The following TNFAIP8 variants were observed in gnomAD, a reference collection of about 807,000 sequenced individuals.
TNFAIP8 encodes the protein TNF alpha induced protein 8.
TNFAIP8 carries 7 observed loss-of-function variants against 13.3 expected under a neutral mutation model. The ratio of observed to expected loss-of-function variants is 0.52; its 90% confidence interval spans 0.30 to 0.99. The LOEUF is 0.99. Among genes scored for constraint, TNFAIP8 ranks in the 50% least tolerant of loss-of-function variants. TNFAIP8 has a pLI of 0.07. For missense variants in TNFAIP8, 258 were observed against 236.9 expected, an observed-to-expected ratio of 1.09 and a Z score of -0.58; for synonymous variants, 94 against 87.6, an observed-to-expected ratio of 1.07 and a Z score of -0.41.
At chr5:119,328,707 A>T (rs888909841) in intron 1 of TNFAIP8, among the ~76,000 whole-genome samples, 5 of 152,208 alleles carry the variant, frequency 3.3e-5, no homozygotes, top group African/African-American at 1.2e-4. Flanking sequence ...TAACTTGGGA[A>T]ATATCATATG....
At chr5:119,373,854 T>G (rs1752178857) in intron 1 of TNFAIP8, among the ~76,000 whole-genome samples, 1 of 152,214 alleles carries the variant, frequency 6.6e-6, no homozygotes, top group Non-Finnish European at 1.5e-5. Flanking sequence ...TTGGGCTATG[T>G]GATCTCTGCC....
At chr5:119,325,517 A>G (rs1430622617) in intron 1 of TNFAIP8, among the ~76,000 whole-genome samples, 1 of 152,148 alleles carries the variant, frequency 6.6e-6, no homozygotes, top group African/African-American at 2.4e-5. Context: ...GTGCGATCTC[A>G]GCTCACTGCA....
intron 1 of TNFAIP8, among the ~76,000 whole-genome samples, chr5:119,379,766 T>C (rs1752417645): frequency 6.6e-6 from 1 of 152,030 alleles, no homozygotes; most frequent in African/African-American, 2.4e-5. Flanking sequence ...AATTTTTTTG[T>C]ATTTTTAGTA....
chr5:119,382,627 A>G (rs750608719), intron 1 of TNFAIP8, among the ~76,000 whole-genome samples: 1 of 152,240 alleles, frequency 6.6e-6, no homozygotes, highest in African/African-American at 2.4e-5. Flanking sequence ...TGTTCTAAGC[A>G]CTTTATATGG....
intron 1 of TNFAIP8, among the ~76,000 whole-genome samples, chr5:119,309,314 T>A (rs1749659913): frequency 6.6e-6 from 1 of 152,212 alleles, no homozygotes; most frequent in Admixed American, 6.5e-5. Context: ...TACCATACTT[T>A]CAGCAGCATT....
intron 1 of TNFAIP8, among the ~76,000 whole-genome samples, chr5:119,327,263 G>A (rs1159130283): frequency 2.0e-5 from 3 of 152,138 alleles, no homozygotes; most frequent in African/African-American, 7.2e-5. Flanking sequence ...TGTGTTGACT[G>A]TGGAGTACAT....
intron 1 of TNFAIP8, among the ~76,000 whole-genome samples, chr5:119,386,958 TCTCCCTCC>T (rs746624859): frequency 8.4e-4 from 105 of 125,502 alleles, no homozygotes; most frequent in South Asian, 2.0e-3. Context: ...TTCTACTGGG[TCTCCCTCC>T]CTCCCTCCCT....
intron 1 of TNFAIP8, chr5:119,391,510 A>G: frequency 1.5e-6 from 1 of 682,876 alleles, no homozygotes; most frequent in South Asian, 1.5e-5. Flanking sequence ...CTGTAATCCC[A>G]GCACTTTGGG....
At chr5:119,366,589 C>T (rs1174830748) in intron 1 of TNFAIP8, among the ~76,000 whole-genome samples, 2 of 152,200 alleles carry the variant, frequency 1.3e-5, no homozygotes, top group Non-Finnish European at 2.9e-5. Flanking sequence ...TGCCTGTGGG[C>T]ATCATTTCAA....
chr5:119,366,633 A>G (rs996231679), intron 1 of TNFAIP8, among the ~76,000 whole-genome samples: 1 of 152,186 alleles, frequency 6.6e-6, no homozygotes, highest in Non-Finnish European at 1.5e-5. Context: ...CCATTTCTGG[A>G]GGGCCAGTGG....
At chr5:119,323,783 G>T (rs1240113214) in intron 1 of TNFAIP8, among the ~76,000 whole-genome samples, 1 of 152,064 alleles carries the variant, frequency 6.6e-6, no homozygotes, top group Non-Finnish European at 1.5e-5. Flanking sequence ...GGGGAACAGG[G>T]GCATAAATTG....
intron 1 of TNFAIP8, among the ~76,000 whole-genome samples, chr5:119,329,189 G>C (rs1480213788): frequency 1.3e-5 from 2 of 152,166 alleles, no homozygotes; most frequent in Non-Finnish European, 2.9e-5. Flanking sequence ...AGGTTAGATG[G>C]TATCAGCGGT....
intron 1 of TNFAIP8, among the ~76,000 whole-genome samples, chr5:119,380,059 A>G (rs1752432062): frequency 1.3e-5 from 2 of 152,224 alleles, no homozygotes. Context: ...GCTGTGTGCT[A>G]TAGTAAGAAG....
Position 119,393,300 on chromosome 5 carries a change from T to C in TNFAIP8, c.516T>C (p.Tyr172=). The change falls in exon 2 of 2, where the codon TAT becomes TAC. Residue 172 remains tyrosine (Y), a synonymous_variant. Transcript: ENST00000504771. ...ATTGTGAATTTTTGGCTGCCTTGTATAATCCTTTTGGGAATTTTAAACCCC... is the reference window on the plus strand; with the variant it reads ...ATTGTGAATTTTTGGCTGCCTTGTACAATCCTTTTGGGAATTTTAAACCCC... The part of the protein sequence containing the change: ...FSDCEFLAAL[Y]NPFGNFKPHL... 1 of 1,614,054 alleles carries C rather than the reference T, an allele frequency of 6.2e-7. No homozygotes were observed. The highest frequency in any genetic ancestry group is 8.5e-7 in the Non-Finnish European group (1 of 1,179,898).
At chr5:119,371,310 C>T (rs9687723) in intron 1 of TNFAIP8, among the ~76,000 whole-genome samples, 5,779 of 152,204 alleles carry the variant, frequency 0.038, 349 homozygotes, top group African/African-American at 0.13. Context: ...TAAAGACTAA[C>T]TGTACAGCTG....
intron 1 of TNFAIP8, among the ~76,000 whole-genome samples, chr5:119,314,247 C>T (rs1024910704): frequency 6.6e-6 from 1 of 152,174 alleles, no homozygotes; most frequent in African/African-American, 2.4e-5. Context: ...TGTGAATCTC[C>T]AGCACATGGG....
chr5:119,312,766 A>G (rs1457110672), intron 1 of TNFAIP8, among the ~76,000 whole-genome samples: 7 of 151,216 alleles, frequency 4.6e-5, no homozygotes, highest in Admixed American at 4.6e-4. Context: ...AAAAAAAAAA[A>G]AGAATATGAA....
At chr5:119,391,464 A>T in intron 1 of TNFAIP8, 1 of 701,466 alleles carries the variant, frequency 1.4e-6, no homozygotes, top group Non-Finnish European at 2.6e-6. Flanking sequence ...GCCTTAGGAG[A>T]AGCGAGAGAA....
At chr5:119,367,311 TGTTTA>T (rs72230020) in intron 1 of TNFAIP8, among the ~76,000 whole-genome samples, 58,287 of 151,648 alleles carry the variant, frequency 0.38, 11,465 homozygotes, top group South Asian at 0.52. Flanking sequence ...TTGTTGCTGT[TGTTTA>T]GTTATTTGAG....
Sources: allele counts gnomAD v4.1 joint callset (sites outside exome capture counted in the v4.1 genomes callset), GRCh38; gene constraint gnomAD v4.1.1; transcripts MANE v1.5; gene names NCBI Gene and HGNC (gene_info 2026-07-23, HGNC 2026-07-21).